The following CDO1 variants were observed in gnomAD, a reference collection of about 807,000 sequenced individuals.
CDO1 encodes cysteine dioxygenase type 1, also known as cysteine dioxygenase, type I.
In CDO1, 19 loss-of-function variants were observed where a neutral mutation model predicts 24.5. The observed-to-expected ratio is 0.77, with a 90% CI of 0.54 to 1.14. The LOEUF (loss-of-function observed/expected upper bound fraction) is 1.14. Among genes scored for constraint, CDO1 ranks in the 50% most tolerant of loss-of-function variants. The pLI is 0.00. For missense variants in CDO1, 244 were observed against 244.8 expected, an observed-to-expected ratio of 1.00 and a Z score of 0.02; for synonymous variants, 91 against 87.0, an observed-to-expected ratio of 1.05 and a Z score of -0.26.
At chr5:115,811,075 C>T in intron 3 of CDO1, 86 bp downstream of exon 3, 4 of 1,201,976 alleles carry the variant, frequency 3.3e-6, no homozygotes, top group Non-Finnish European at 4.8e-6. Flanking sequence ...CCAGGTTCTA[C>T]TGCATAAAAA....
chr5:115,813,285 T>C (rs746576491), intron 1 of CDO1, 27 bp from the exon 2 acceptor site: 22 of 1,289,400 alleles, frequency 1.7e-5, no homozygotes, highest in Non-Finnish European at 2.4e-5. Context: ...TATTCAGAAG[T>C]TTTAAGTTCG....
intron 1 of CDO1, among the ~76,000 whole-genome samples, chr5:115,814,888 A>G (rs1760361259): frequency 6.6e-6 from 1 of 152,152 alleles, no homozygotes; most frequent in African/African-American, 2.4e-5. Flanking sequence ...CTGTCCCATA[A>G]CAAGTCTTCA....
At position 115,805,463 on chromosome 5, in the gene CDO1, C is replaced by G. The variant is rs1759905814; in HGVS notation, c.574-1G>C. ...TGTTCTCCAGCGAGCCCGAAGTTGC[C>G]TGTAAAAAAGGGAAAAAAAGAAAGC... On this transcript the variant is annotated splice_acceptor_variant, in intron 4 of 4. Transcript: ENST00000250535. LOFTEE classifies it high-confidence loss of function. The G allele has an allele frequency of 6.2e-7, 1 of 1,613,496 alleles. No homozygotes were observed. The highest frequency in any genetic ancestry group is 1.3e-5 in the African/African-American group (1 of 74,794).
Position 115,813,218 on chromosome 5 carries a change from T to C in CDO1, c.211A>G (p.Asn71Asp). 1 of 1,602,664 alleles carries C rather than the reference T, an allele frequency of 6.2e-7. No homozygotes were observed. Among genetic ancestry groups the C allele is most frequent in the Non-Finnish European group, 8.5e-7 (1 of 1,169,810 alleles). The change falls in exon 2 of 5, where the codon AAT becomes GAT. Residue 71 changes from asparagine to aspartate, a missense_variant. Transcript: ENST00000250535. Reference sequence around the variant, plus strand: ...TCACCCCAACAGAGAATCATCAGATTAAATTTTCCATTTCCTTGATCCACA... The same window carrying C: ...TCACCCCAACAGAGAATCATCAGATCAAATTTTCCATTTCCTTGATCCACA... The part of the protein sequence containing the change: ...NLVDQGNGKF[N>D]LMILCWGEGH...
intron 3 of CDO1, among the ~76,000 whole-genome samples, chr5:115,808,541 G>A (rs1333283789): frequency 6.6e-6 from 1 of 152,094 alleles, no homozygotes; most frequent in African/African-American, 2.4e-5. Flanking sequence ...CATGAGATCA[G>A]TAAAGAGGGG....
intron 3 of CDO1, among the ~76,000 whole-genome samples, chr5:115,808,275 G>T (rs560890219): frequency 6.6e-6 from 1 of 152,082 alleles, no homozygotes; most frequent in African/African-American, 2.4e-5. Context: ...CACCACACCC[G>T]GCCAGCCCTA....
Position 115,816,607 on chromosome 5 carries a change from G to A in CDO1, c.-210C>T, listed in dbSNP as rs1760466928. On this transcript the variant is annotated 5_prime_UTR_variant, in exon 1 of 5. Transcript: ENST00000250535. ...ACCCCCAGGCCCCTGGCAGCGCAGT[G>A]GATCCGGGATCGCTGGAGACGCGGT... 1 of 580,148 alleles carries A rather than the reference G, an allele frequency of 1.7e-6. No homozygotes were observed. The allele number at this position is 580,148 out of a possible 1,614,324, so 35.9% of individuals were successfully genotyped here.
At chr5:115,810,804 A>T (rs1191355014) in intron 3 of CDO1, among the ~76,000 whole-genome samples, 1 of 152,210 alleles carries the variant, frequency 6.6e-6, no homozygotes, top group Non-Finnish European at 1.5e-5. Context: ...ATTCTTAATT[A>T]GTTACAGAAC....
intron 3 of CDO1, among the ~76,000 whole-genome samples, 170 bp downstream of exon 3, chr5:115,810,991 G>C (rs1760162987): frequency 6.6e-6 from 1 of 152,112 alleles, no homozygotes; most frequent in Non-Finnish European, 1.5e-5. Context: ...TTCCAACCAA[G>C]ATACAAAGGC....
intron 4 of CDO1, among the ~76,000 whole-genome samples, chr5:115,806,105 C>T (rs539961834): frequency 6.6e-6 from 1 of 152,282 alleles, no homozygotes; most frequent in Admixed American, 6.5e-5. Flanking sequence ...ACTCTCATTT[C>T]CCAAGTAAAT....
chr5:115,807,255 T>C (rs1258121068), intron 3 of CDO1, among the ~76,000 whole-genome samples: 15 of 152,244 alleles, frequency 9.9e-5, no homozygotes, highest in Admixed American at 7.9e-4. Context: ...TCTGATTGGC[T>C]CAAGAAAAAA....
chr5:115,811,054 T>C (rs1760165049), intron 3 of CDO1, 107 bp downstream of exon 3: 2 of 1,034,554 alleles, frequency 1.9e-6, no homozygotes, highest in East Asian at 2.4e-5. Context: ...TTTTAAATCA[T>C]GACTCATGAT....
intron 2 of CDO1, among the ~76,000 whole-genome samples, chr5:115,812,572 T>C (rs977098168): frequency 1.3e-5 from 2 of 152,188 alleles, no homozygotes; most frequent in African/African-American, 4.8e-5. Flanking sequence ...GTAAACACAA[T>C]TTCACATAAA....
At position 115,811,327 on chromosome 5, in the gene CDO1, C is replaced by T. The variant is rs780398032; in HGVS notation, c.249-12G>A. 6.2e-7 allele frequency: 1 copy of T among 1,605,892 alleles called. No individual in the cohort carries two copies. The highest frequency in any genetic ancestry group is 1.1e-5 in the South Asian group (1 of 90,600). ...GATCATGAATACTGCTATATGTACA[C>T]AAAATGACAACTGAACTCAGTAGAT... On this transcript the variant is annotated splice_polypyrimidine_tract_variant and intron_variant, in intron 2 of 4. Transcript: ENST00000250535.
chr5:115,813,086 A>T, intron 2 of CDO1, 95 bp downstream of exon 2: 3 of 488,820 alleles, frequency 6.1e-6, no homozygotes, highest in Non-Finnish European at 7.5e-6. Flanking sequence ...GAGATTTGTT[A>T]CTACTTGTAA....
rs542919760 is a variant in CDO1, at chr5:115,805,242, G to A, written c.*191C>T. The stretch of plus-strand genomic sequence containing the variant: ...CACAAGACTTTCTTTTCCTCAGTGG[G>A]ACTTTTCTTCTGCAGTAGCTGAGGG... On this transcript the variant is annotated 3_prime_UTR_variant, in exon 5 of 5. Transcript: ENST00000250535. The A allele has an allele frequency of 1.8e-4, 92 of 508,316 alleles. No individual in the cohort carries two copies. Among genetic ancestry groups the A allele is most frequent in the East Asian group, 1.7e-3 (51 of 30,826 alleles). 31.5% of individuals were successfully genotyped at this position (508,316 alleles called of 1,614,324 possible). A position where few individuals can be genotyped will look rare whatever the true frequency, so the allele number is the denominator to read the frequency against.
intron 3 of CDO1, among the ~76,000 whole-genome samples, chr5:115,810,696 G>A (rs1425705745): frequency 1.3e-5 from 2 of 152,178 alleles, no homozygotes; most frequent in Non-Finnish European, 2.9e-5. Context: ...GGTAAGATAT[G>A]TATAAATCAC....
intron 3 of CDO1, among the ~76,000 whole-genome samples, chr5:115,810,695 T>C (rs1165712784): frequency 6.6e-6 from 1 of 152,196 alleles, no homozygotes; most frequent in Non-Finnish European, 1.5e-5. Flanking sequence ...TGGTAAGATA[T>C]GTATAAATCA....
intron 3 of CDO1, among the ~76,000 whole-genome samples, chr5:115,809,214 C>A (rs1760081901): frequency 6.6e-6 from 1 of 152,168 alleles, no homozygotes; most frequent in African/African-American, 2.4e-5. Flanking sequence ...TAGAGAAGCT[C>A]CTATTAATAA....
Sources: gnomAD v4.1 joint callset for allele counts (sites outside exome capture counted in the v4.1 genomes callset) on GRCh38, gnomAD v4.1.1 for gene constraint, MANE v1.5 for transcripts, NCBI Gene and HGNC (gene_info 2026-07-23, HGNC 2026-07-21) for gene names.